Variants in GOLM1 observed in about 807,000 individuals in gnomAD.
GOLM1 encodes epididymis luminal protein 46.
In GOLM1, 31 loss-of-function variants were observed where a neutral mutation model predicts 50.5. That is an observed-to-expected ratio of 0.61 (90% CI 0.46 to 0.83). The LOEUF is 0.83. Among genes scored for constraint, GOLM1 ranks in the 40% least tolerant of loss-of-function variants. The pLI is 0.00. For missense variants in GOLM1, 491 were observed against 501.3 expected (o/e 0.98, Z 0.20); for synonymous variants, 178 against 192.8 (o/e 0.92, Z 0.64).
chr9:86,076,680 A>C (rs1834626404), intron 3 of GOLM1, among the ~76,000 whole-genome samples: 1 of 151,482 alleles, frequency 6.6e-6, no homozygotes, highest in Non-Finnish European at 1.5e-5. Context: ...CCTGGCCAAA[A>C]TGGTGAAAAC....
At chr9:86,037,907 T>G (rs1167698446) in intron 6 of GOLM1, among the ~76,000 whole-genome samples, 1 of 151,496 alleles carries the variant, frequency 6.6e-6, no homozygotes. Context: ...GTAATGCCAG[T>G]ACTTTGGGAG....
At chr9:86,045,112 T>C (rs1833494153) in intron 5 of GOLM1, among the ~76,000 whole-genome samples, 1 of 152,128 alleles carries the variant, frequency 6.6e-6, no homozygotes, top group Non-Finnish European at 1.5e-5. Flanking sequence ...GACTCATGCG[T>C]GTAATCCCAG....
intron 5 of GOLM1, among the ~76,000 whole-genome samples, chr9:86,042,401 C>A (rs1195558605): frequency 1.3e-5 from 2 of 151,756 alleles, no homozygotes; most frequent in Non-Finnish European, 2.9e-5. Flanking sequence ...GAGTTGCAGG[C>A]ATTTCAGAGC....
At chr9:86,043,716 C>T (rs1833437917) in intron 5 of GOLM1, among the ~76,000 whole-genome samples, 1 of 152,280 alleles carries the variant, frequency 6.6e-6, no homozygotes, top group African/African-American at 2.4e-5. Flanking sequence ...TAGGTATCAA[C>T]CTGCCAGGAG....
At chr9:86,068,897 A>T (rs902553095) in intron 3 of GOLM1, among the ~76,000 whole-genome samples, 1 of 152,200 alleles carries the variant, frequency 6.6e-6, no homozygotes, top group Non-Finnish European at 1.5e-5. Flanking sequence ...TCTTGTCTGC[A>T]ATTATACCTC....
chr9:86,099,647 G>GGGGCTGCCGGGGCCGCGC (rs1835473837), upstream of GOLM1: 1 of 150,172 alleles, frequency 6.7e-6, no homozygotes, highest in South Asian at 2.1e-4. Context: ...AAGCGAGGCA[G>GGGGCTGCCGGGGCCGCGC]GGGCTGCCGG....
At chr9:86,068,902 T>C (rs1834377614) in intron 3 of GOLM1, among the ~76,000 whole-genome samples, 1 of 152,132 alleles carries the variant, frequency 6.6e-6, no homozygotes. Context: ...TCTGCAATTA[T>C]ACCTCTCAGT....
chr9:86,047,965 G>A (rs571167120), intron 4 of GOLM1, among the ~76,000 whole-genome samples: 6 of 151,970 alleles, frequency 3.9e-5, no homozygotes, highest in Non-Finnish European at 7.4e-5. Flanking sequence ...TGCCATGTTG[G>A]TGTGCTGCAC....
At chr9:86,052,691 C>A (rs574028489) in intron 3 of GOLM1, 100 bp from the exon 4 acceptor site, 42 of 979,010 alleles carry the variant, frequency 4.3e-5, no homozygotes, top group Middle Eastern at 2.1e-4. Context: ...CCCAACCCAG[C>A]GCTGCTGTCA....
chr9:86,041,841 A>G lies in GOLM1; in HGVS notation c.468-973T>C, dbSNP rs533557371. On this transcript the variant is annotated intron_variant, in intron 5 of 9. Coordinates refer to ENST00000388712, the MANE Select transcript of GOLM1 (RefSeq NM_016548.4). ...TAGTATCAAAACTTGAACTGGGGCC[A>G]GGCGCAGTGGCTCACGCCTGTAATC... 3.3e-5 allele frequency among the ~76,000 whole-genome samples: 5 copies of G among 152,286 alleles called. No individual in the cohort carries two copies. The East Asian group carries it at 9.7e-4, about 29-fold the overall frequency.
intron 1 of GOLM1, among the ~76,000 whole-genome samples, chr9:86,082,379 T>TC (rs1302594970): frequency 4.5e-5 from 4 of 88,822 alleles, no homozygotes; most frequent in East Asian, 2.9e-4. Flanking sequence ...TTCTTTTCTT[T>TC]CCTTTTTTTT....
At chr9:86,045,776 C>T (rs1833519802) in intron 5 of GOLM1, among the ~76,000 whole-genome samples, 1 of 151,122 alleles carries the variant, frequency 6.6e-6, no homozygotes, top group Non-Finnish European at 1.5e-5. Flanking sequence ...ATTAAGTAAA[C>T]ATTCATGTGA....
chr9:86,067,558 G>A (rs1834339851), intron 3 of GOLM1, among the ~76,000 whole-genome samples: 1 of 152,170 alleles, frequency 6.6e-6, no homozygotes, highest in African/African-American at 2.4e-5. Context: ...GAAATTCGGG[G>A]CAGCCTTAGT....
At position 86,040,612 on chromosome 9, in the gene GOLM1, T is replaced by C. The variant is rs142802961; in HGVS notation, c.597+127A>G. 5,761 of 823,602 alleles carry C rather than the reference T, an allele frequency of 7.0e-3. 30 individuals carry two copies. The highest frequency in any genetic ancestry group is 0.021 in the Middle Eastern group (69 of 3,336). The allele number at this position is 823,602 out of a possible 1,614,324, so 51.0% of individuals were successfully genotyped here. On this transcript the variant is annotated intron_variant, in intron 6 of 9. Transcript: ENST00000388712. ...CCCAGTACCAGGTTCTGCTCTGTTA[T>C]ATCTCAGGGAGCCAAGCCCGCAAAG...
intron 2 of GOLM1, among the ~76,000 whole-genome samples, chr9:86,078,409 G>A (rs1009864535): frequency 6.6e-6 from 1 of 152,174 alleles, no homozygotes; most frequent in African/African-American, 2.4e-5. Flanking sequence ...TCAGTGGATG[G>A]AAATCGCCCC....
rs568222686 is a variant in GOLM1 at position 86,088,745 on chromosome 9, C to T, written c.-21-9404G>A. 4.4e-3 allele frequency among the ~76,000 whole-genome samples: 675 copies of T among 151,930 alleles called. 10 individuals are homozygous for T. Among genetic ancestry groups the T allele is most frequent in the African/African-American group, 0.016 (649 of 41,426 alleles). On this transcript the variant is annotated intron_variant, in intron 1 of 9. Coordinates refer to ENST00000388712, the MANE Select transcript of GOLM1 (RefSeq NM_016548.4). Reference sequence around the variant, plus strand: ...GCCAGTCTGTGTCTTTTAATTGGGGCATTTAGCCCATTTACATTTAAGGTT... The same window carrying T: ...GCCAGTCTGTGTCTTTTAATTGGGGTATTTAGCCCATTTACATTTAAGGTT...
At chr9:86,093,852 ATAT>A (rs970140547) in intron 1 of GOLM1, among the ~76,000 whole-genome samples, 2 of 152,234 alleles carry the variant, frequency 1.3e-5, no homozygotes, top group Non-Finnish European at 2.9e-5. Flanking sequence ...AGAAAAGCAA[ATAT>A]ATAGGAGCAA....
At chr9:86,098,614 TG>T (rs1835424647) in intron 1 of GOLM1, among the ~76,000 whole-genome samples, 1 of 152,238 alleles carries the variant, frequency 6.6e-6, no homozygotes, top group Non-Finnish European at 1.5e-5. Flanking sequence ...AGCATCATCA[TG>T]GTATTTCAAA....
intron 3 of GOLM1, among the ~76,000 whole-genome samples, chr9:86,055,520 A>AT (rs1366575139): frequency 1.3e-5 from 2 of 152,210 alleles, no homozygotes; most frequent in African/African-American, 4.8e-5. Flanking sequence ...CACAGTTACC[A>AT]AGAGGCGAAT....
Sources: gnomAD v4.1 joint callset for allele counts (sites outside exome capture counted in the v4.1 genomes callset) on GRCh38, gnomAD v4.1.1 for gene constraint, MANE v1.5 for transcripts, NCBI Gene and HGNC (gene_info 2026-07-23, HGNC 2026-07-21) for gene names.